The following ZBTB40 variants were observed in gnomAD, a reference collection of about 807,000 sequenced individuals.
ZBTB40 encodes zinc finger and BTB domain containing 40.
A neutral mutation model predicts 117.5 loss-of-function variants in ZBTB40; 60 were observed. The ratio of observed to expected loss-of-function variants is 0.51; its 90% CI spans 0.41 to 0.63. The LOEUF (loss-of-function observed/expected upper bound fraction) is 0.63. ZBTB40 is among the 30% of genes least tolerant of loss of function. ZBTB40 has a pLI of 0.00. For missense variants in ZBTB40, 1,287 were observed against 1,498.5 expected (o/e 0.86, Z 2.33); for synonymous variants, 525 against 577.1 (o/e 0.91, Z 1.29).
At chr1:22,488,304 T>A (rs1638529777) in intron 1 of ZBTB40, among the ~76,000 whole-genome samples, 1 of 152,140 alleles carries the variant, frequency 6.6e-6, no homozygotes, top group South Asian at 2.1e-4. Flanking sequence ...TGAAGGAAGA[T>A]AGATAATAAC....
At chr1:22,449,245 G>A (rs1640827267), upstream of ZBTB40, among the ~76,000 whole-genome samples, 1 of 152,128 alleles carries the variant, frequency 6.6e-6, no homozygotes, top group African/African-American at 2.4e-5. Context: ...GTGGTGGCAT[G>A]GGAACACTCT....
At chr1:22,440,292 C>T (rs1222404096) in intron 1 of ZBTB40, among the ~76,000 whole-genome samples, 1 of 152,120 alleles carries the variant, frequency 6.6e-6, no homozygotes, top group Non-Finnish European at 1.5e-5. Flanking sequence ...TTCTTCCTTT[C>T]CAATTTGAAT....
At chr1:22,521,407 A>T in intron 14 of ZBTB40, 89 bp from the exon 15 acceptor site, 1 of 1,553,674 alleles carries the variant, frequency 6.4e-7, no homozygotes, top group East Asian at 2.3e-5. Context: ...GCTTATCCAA[A>T]AATGTATTTC....
At chr1:22,437,354 T>C (rs1640682086) in intron 1 of ZBTB40, among the ~76,000 whole-genome samples, 1 of 152,020 alleles carries the variant, frequency 6.6e-6, no homozygotes, top group South Asian at 2.1e-4. Context: ...CCAGTCATGT[T>C]GGAGGAGTGC....
chr1:22,433,313 G>T (rs1219667680), intron 1 of ZBTB40, among the ~76,000 whole-genome samples: 1 of 150,558 alleles, frequency 6.6e-6, no homozygotes, highest in Admixed American at 6.6e-5. Flanking sequence ...GGCGCCTGTA[G>T]TCCCAGCTAC....
intron 1 of ZBTB40, among the ~76,000 whole-genome samples, chr1:22,459,346 A>G (rs1641079388): frequency 6.6e-6 from 1 of 152,208 alleles, no homozygotes; most frequent in East Asian, 1.9e-4. Flanking sequence ...CTTTTTAAAA[A>G]ACATTTAAGA....
chr1:22,493,172 CT>C (rs1638679504), intron 3 of ZBTB40, among the ~76,000 whole-genome samples: 1 of 152,110 alleles, frequency 6.6e-6, no homozygotes, highest in African/African-American at 2.4e-5. Context: ...TTGTTCTAAT[CT>C]TTTGATGGCA....
chr1:22,509,665 C>A (rs1357446027), intron 9 of ZBTB40, among the ~76,000 whole-genome samples: 1 of 152,168 alleles, frequency 6.6e-6, no homozygotes, highest in Non-Finnish European at 1.5e-5. Context: ...AATATCTGTA[C>A]CCCTTGCTAG....
intron 1 of ZBTB40, among the ~76,000 whole-genome samples, chr1:22,485,222 A>G (rs145627343): frequency 2.0e-5 from 3 of 152,328 alleles, no homozygotes; most frequent in African/African-American, 4.8e-5. Flanking sequence ...GAGAATTGGT[A>G]TAATTTCTTT....
chr1:22,508,664 C>G lies in ZBTB40; in HGVS notation c.1632C>G (p.Thr544=), dbSNP rs1369180868. 1 of 1,614,230 alleles carries G rather than the reference C, an allele frequency of 6.2e-7. No homozygotes were observed. The highest frequency in any genetic ancestry group is 2.2e-5 in the East Asian group (1 of 44,880). The change falls in exon 8 of 18, where the codon ACC becomes ACG. Residue 544 remains threonine (T), a synonymous_variant. Transcript: ENST00000375647. The part of the protein sequence containing the change: ...QLLLVVQETK[T]CPLDLLMEEI... Reference sequence around the variant, plus strand: ...TGCTGGTGGTTCAGGAGACAAAGACCTGTCCATTGGACCTGCTCATGGAGG... The same window carrying G: ...TGCTGGTGGTTCAGGAGACAAAGACGTGTCCATTGGACCTGCTCATGGAGG...
At chr1:22,471,975 G>A (rs944501030) in intron 1 of ZBTB40, among the ~76,000 whole-genome samples, 4 of 152,158 alleles carry the variant, frequency 2.6e-5, no homozygotes, top group Non-Finnish European at 5.9e-5. Flanking sequence ...GATATGATTG[G>A]CTTGTTTGAA....
At chr1:22,442,852 T>C (rs570398589) in intron 1 of ZBTB40, among the ~76,000 whole-genome samples, 24 of 152,310 alleles carry the variant, frequency 1.6e-4, no homozygotes, top group African/African-American at 5.8e-4. Flanking sequence ...CCAACTGTAT[T>C]GAAGAACTAT....
chr1:22,452,939 C>T (rs1197329479), intron 1 of ZBTB40: 1 of 152,254 alleles, frequency 6.6e-6, no homozygotes, highest in Non-Finnish European at 1.5e-5. Context: ...TATGACGACG[C>T]TTTATAAGTA....
At chr1:22,462,790 T>C (rs1204523329) in intron 1 of ZBTB40, among the ~76,000 whole-genome samples, 2 of 152,236 alleles carry the variant, frequency 1.3e-5, no homozygotes, top group Non-Finnish European at 2.9e-5. Context: ...CTTTCTCTCT[T>C]TCCTGGCTTA....
rs1168008209 is a variant in ZBTB40 at position 22,503,806 on chromosome 1, ATAGCTCT to A, written c.1167+1366_1167+1372del. 3.9e-5 allele frequency among the ~76,000 whole-genome samples: 6 copies of A among 152,360 alleles called. No homozygotes were observed. The South Asian group carries it at 8.3e-4, about 21-fold the overall frequency. ...GGCACTCAATTTAAGTAAGTTGCTTATAGCTCTAAAAGTTCCTGATTCCCTCTTTAGT... is the reference window on the plus strand; with the variant it reads ...GGCACTCAATTTAAGTAAGTTGCTTAAAAAGTTCCTGATTCCCTCTTTAGT... On this transcript the variant is annotated intron_variant, in intron 5 of 17. Coordinates refer to ENST00000375647, the MANE Select transcript of ZBTB40 (RefSeq NM_014870.4).
intron 1 of ZBTB40, among the ~76,000 whole-genome samples, chr1:22,470,185 G>C (rs1641366538): frequency 6.6e-6 from 1 of 152,186 alleles, no homozygotes; most frequent in Non-Finnish European, 1.5e-5. Flanking sequence ...CAGGTCACTT[G>C]ATTTCTATCA....
chr1:22,519,160 A>C (rs186721673), intron 13 of ZBTB40, among the ~76,000 whole-genome samples: 1 of 152,378 alleles, frequency 6.6e-6, no homozygotes, highest in African/African-American at 2.4e-5. Flanking sequence ...AGAATTCCTG[A>C]ATTAATCTGA....
intron 1 of ZBTB40, among the ~76,000 whole-genome samples, chr1:22,442,763 C>G (rs1279073239): frequency 6.6e-6 from 1 of 152,154 alleles, no homozygotes; most frequent in Non-Finnish European, 1.5e-5. Context: ...TTGTCCCTAA[C>G]AAGATCTAGT....
At chr1:22,490,720 T>C (rs937497058) in intron 2 of ZBTB40, 75 bp downstream of exon 2, 34 of 1,546,390 alleles carry the variant, frequency 2.2e-5, no homozygotes, top group Non-Finnish European at 2.6e-5. Flanking sequence ...GATTAATAAA[T>C]TTATCAAAGA....
Sources: allele counts gnomAD v4.1 joint callset (sites outside exome capture counted in the v4.1 genomes callset), GRCh38; gene constraint gnomAD v4.1.1; transcripts MANE v1.5; gene names NCBI Gene and HGNC (gene_info 2026-07-23, HGNC 2026-07-21).